Variants in MAOB observed in about 807,000 individuals in gnomAD.
The protein encoded by MAOB is amine oxidase [flavin-containing] B.
Under a neutral mutation model 41.9 loss-of-function variants are expected in MAOB, and 15 were observed. That is an observed-to-expected ratio of 0.36 (90% CI 0.24 to 0.55). MAOB has a LOEUF of 0.55. MAOB is among the 20% of genes least tolerant of loss of function. MAOB has a pLI of 0.86. For synonymous variants in MAOB, 167 were observed against 144.2 expected (o/e 1.16, Z -1.13); for missense variants, 345 against 398.7 (o/e 0.87, Z 1.15).
chrX:43,877,923 T>G (rs901452009), intron 1 of MAOB, among the ~76,000 whole-genome samples: 2 of 112,562 alleles, frequency 1.8e-5, no homozygotes, highest in Non-Finnish European at 3.8e-5. Context: ...AATTATTGGT[T>G]GGTGAAAAGA....
At chrX:43,783,228 T>C (rs182568135) in intron 8 of MAOB, among the ~76,000 whole-genome samples, 2 of 112,139 alleles carry the variant, frequency 1.8e-5, no homozygotes, top group African/African-American at 6.5e-5. Flanking sequence ...GACATGATTG[T>C]ATATTTATTA....
chrX:43,809,984 C>T (rs1474940287), intron 3 of MAOB, among the ~76,000 whole-genome samples: 1 of 101,447 alleles, frequency 9.9e-6, no homozygotes, highest in Non-Finnish European at 1.9e-5. Context: ...TGGCTCACGC[C>T]TGTAATCCCA....
At chrX:43,879,819 C>T (rs1334338317) in intron 1 of MAOB, among the ~76,000 whole-genome samples, 1 of 112,309 alleles carries the variant, frequency 8.9e-6, no homozygotes, top group Non-Finnish European at 1.9e-5. Flanking sequence ...CCAGACCCCT[C>T]TGGCAACTCT....
At chrX:43,857,343 G>A (rs1184082653) in intron 1 of MAOB, among the ~76,000 whole-genome samples, 1 of 106,596 alleles carries the variant, frequency 9.4e-6, no homozygotes, top group Non-Finnish European at 1.9e-5. Flanking sequence ...ACCACGCCTG[G>A]CTAATTTTGT....
At chrX:43,869,746 A>G (rs983388364) in intron 1 of MAOB, among the ~76,000 whole-genome samples, 3 of 112,414 alleles carry the variant, frequency 2.7e-5, no homozygotes, top group African/African-American at 9.7e-5. Flanking sequence ...CTGATTCAAA[A>G]TGTTGCAACT....
chrX:43,841,635 G>A (rs1305468224), intron 2 of MAOB, among the ~76,000 whole-genome samples: 3 of 111,875 alleles, frequency 2.7e-5, no homozygotes, highest in Non-Finnish European at 5.6e-5. Context: ...AGGTGAAGGC[G>A]TTATACTACC....
At chrX:43,816,835 T>C (rs1241992064) in intron 3 of MAOB, among the ~76,000 whole-genome samples, 1 of 111,823 alleles carries the variant, frequency 8.9e-6, no homozygotes, top group African/African-American at 3.3e-5. Context: ...ATAGGTGACA[T>C]AGGCATTGCT....
chrX:43,854,508 G>GT (rs779899585), intron 1 of MAOB, among the ~76,000 whole-genome samples: 22 of 111,115 alleles, frequency 2.0e-4, no homozygotes, highest in African/African-American at 6.9e-4. Context: ...ACCGGGGCCT[G>GT]TAAGGGGGTG....
At chrX:43,794,392 A>G (rs932249859) in intron 7 of MAOB, among the ~76,000 whole-genome samples, 2 of 110,531 alleles carry the variant, frequency 1.8e-5, no homozygotes, top group Non-Finnish European at 3.8e-5. Flanking sequence ...ACTTTCTGGT[A>G]TGCCCTCTCC....
At chrX:43,836,826 ATGTATTTACCC>A (rs1317834799) in intron 3 of MAOB, among the ~76,000 whole-genome samples, 1 of 112,596 alleles carries the variant, frequency 8.9e-6, no homozygotes, top group Non-Finnish European at 1.9e-5. Flanking sequence ...TTATTGGCAT[ATGTATTTACCC>A]TGTATTAAGT....
At chrX:43,794,544 C>T (rs894461340) in intron 7 of MAOB, among the ~76,000 whole-genome samples, 1 of 110,673 alleles carries the variant, frequency 9.0e-6, no homozygotes, top group African/African-American at 3.3e-5. Flanking sequence ...GTTTTGTTCA[C>T]GACTGTGTTC....
At position 43,780,326 on chromosome X, in the gene MAOB, G is replaced by A; in HGVS notation, c.1079+16C>T. 1 of 1,186,839 alleles carries A rather than the reference G, an allele frequency of 8.4e-7. No homozygotes were observed. Among genetic ancestry groups the A allele is most frequent in the Non-Finnish European group, 1.1e-6 (1 of 875,523 alleles). The stretch of plus-strand genomic sequence containing the variant: ...AAGGAAGGAAGAAACGAAAGAAGCA[G>A]CATTTCTTTTGTTACCTTTCCTCTT... On this transcript the variant is annotated intron_variant, in intron 10 of 14. Coordinates refer to ENST00000378069, the MANE Select transcript of MAOB (RefSeq NM_000898.5).
chrX:43,781,787 C>A (rs779064325), intron 8 of MAOB, among the ~76,000 whole-genome samples: 49 of 111,965 alleles, frequency 4.4e-4, no homozygotes, highest in Non-Finnish European at 8.1e-4. Context: ...ATTAGGAATT[C>A]ATCCAGGTCA....
chrX:43,873,097 C>T (rs1225645909), intron 1 of MAOB, among the ~76,000 whole-genome samples: 1 of 112,137 alleles, frequency 8.9e-6, no homozygotes, highest in Non-Finnish European at 1.9e-5. Context: ...TAATTCTTAA[C>T]TTTATCCTTC....
chrX:43,774,469 T>TA (rs748828617), intron 12 of MAOB, among the ~76,000 whole-genome samples: 40 of 111,187 alleles, frequency 3.6e-4, no homozygotes, highest in African/African-American at 1.0e-3. Flanking sequence ...GATCAAAAAA[T>TA]AAAAAAAACT....
chrX:43,805,367 G>GGGGTAGT (rs1324950628), intron 3 of MAOB, among the ~76,000 whole-genome samples: 1 of 111,371 alleles, frequency 9.0e-6, no homozygotes, highest in African/African-American at 3.3e-5. Flanking sequence ...TGACACATGT[G>GGGGTAGT]TACACCTATG....
intron 1 of MAOB, among the ~76,000 whole-genome samples, chrX:43,873,198 G>A (rs1420683771): frequency 8.9e-6 from 1 of 111,905 alleles, no homozygotes; most frequent in African/African-American, 3.2e-5. Context: ...AAAGAAATGA[G>A]ATATAACTAA....
chrX:43,832,600 A>G (rs1269104398), intron 3 of MAOB, among the ~76,000 whole-genome samples: 1 of 112,073 alleles, frequency 8.9e-6, no homozygotes, highest in Admixed American at 9.5e-5. Flanking sequence ...GATTTTCTTA[A>G]TAACATTTTC....
At chrX:43,774,895 G>C (rs1332250331) in intron 12 of MAOB, among the ~76,000 whole-genome samples, 1 of 111,458 alleles carries the variant, frequency 9.0e-6, no homozygotes, top group Non-Finnish European at 1.9e-5. Context: ...ATATCATGAA[G>C]AATGGGGTAA....
Sources: gnomAD v4.1 joint callset for allele counts (sites outside exome capture counted in the v4.1 genomes callset) on GRCh38, gnomAD v4.1.1 for gene constraint, MANE v1.5 for transcripts, NCBI Gene and HGNC (gene_info 2026-07-23, HGNC 2026-07-21) for gene names.